STAG1: variants seen among roughly 807,000 people sequenced by gnomAD.
STAG1 encodes the protein cohesin subunit SA-1.
Under a neutral mutation model 170.9 loss-of-function variants are expected in STAG1, and 26 were observed. That is an observed-to-expected ratio of 0.15 (90% CI 0.11 to 0.21). STAG1 has a LOEUF of 0.21. STAG1 is among the 10% of genes least tolerant of loss of function. The pLI, the probability that STAG1 is intolerant of heterozygous loss-of-function variation, is 1.00. For synonymous variants in STAG1, 514 were observed against 497.7 expected, an observed-to-expected ratio of 1.03 and a Z score of -0.44; for missense variants, 964 against 1,509.5, an observed-to-expected ratio of 0.64 and a Z score of 5.99.
chr3:136,365,349 T>C (rs1170040421), intron 25 of STAG1, among the ~76,000 whole-genome samples: 3 of 152,218 alleles, frequency 2.0e-5, no homozygotes, highest in Non-Finnish European at 4.4e-5. Flanking sequence ...ATTAGTTTCC[T>C]AGGCCAGATG....
At chr3:136,468,406 G>C (rs1233801090) in intron 12 of STAG1, among the ~76,000 whole-genome samples, 1 of 152,248 alleles carries the variant, frequency 6.6e-6, no homozygotes, top group South Asian at 2.1e-4. Context: ...AGAAAATCTG[G>C]AAGAAATGGA....
At chr3:136,640,255 C>T (rs892293854) in intron 1 of STAG1, among the ~76,000 whole-genome samples, 4 of 152,120 alleles carry the variant, frequency 2.6e-5, no homozygotes, top group South Asian at 2.1e-4. Flanking sequence ...CAAAAAATTC[C>T]GAACAAATAT....
intron 3 of STAG1, among the ~76,000 whole-genome samples, chr3:136,616,548 CT>C (rs1347581770): frequency 6.6e-6 from 1 of 152,042 alleles, no homozygotes; most frequent in Admixed American, 6.5e-5. Flanking sequence ...CACATTTAAG[CT>C]CCAAAAAAAT....
chr3:136,472,652 G>A (rs1055386607), intron 11 of STAG1, among the ~76,000 whole-genome samples, 160 bp from the exon 12 acceptor site: 1 of 152,166 alleles, frequency 6.6e-6, no homozygotes, highest in Non-Finnish European at 1.5e-5. Context: ...CTCACACAAA[G>A]GGGATGTTAG....
chr3:136,541,206 C>A (rs1000716131), intron 6 of STAG1, among the ~76,000 whole-genome samples: 1 of 151,784 alleles, frequency 6.6e-6, no homozygotes, highest in Non-Finnish European at 1.5e-5. Flanking sequence ...AAAGAGCAGA[C>A]CTAGAAAACA....
intron 4 of STAG1, among the ~76,000 whole-genome samples, chr3:136,603,700 C>T (rs779562404): frequency 1.2e-4 from 19 of 152,018 alleles, no homozygotes; most frequent in Admixed American, 2.6e-4. Context: ...CTGGGTAACA[C>T]GGTGAAACCC....
chr3:136,722,061 A>T (rs1422592377), intron 1 of STAG1, among the ~76,000 whole-genome samples: 2 of 152,098 alleles, frequency 1.3e-5, no homozygotes, highest in Admixed American at 6.6e-5. Flanking sequence ...ATCTCTAATA[A>T]AAATACAAAA....
intron 1 of STAG1, among the ~76,000 whole-genome samples, chr3:136,648,086 G>T (rs1368677668): frequency 1.3e-5 from 2 of 152,208 alleles, no homozygotes; most frequent in African/African-American, 4.8e-5. Context: ...GCCATGAGTT[G>T]ATAACTATTG....
chr3:136,341,227 C>T (rs1485760473), intron 31 of STAG1, among the ~76,000 whole-genome samples: 1 of 152,200 alleles, frequency 6.6e-6, no homozygotes, highest in South Asian at 2.1e-4. Context: ...TGTTTTAGAG[C>T]TTGTCCAAGG....
At chr3:136,551,214 A>AGT (rs1936375366) in intron 5 of STAG1, among the ~76,000 whole-genome samples, 1 of 40,786 alleles carries the variant, frequency 2.5e-5, no homozygotes, top group Admixed American at 2.4e-4. Flanking sequence ...AGAGTGAGAG[A>AGT]GAGAGAGAGA....
chr3:136,373,897 C>T (rs1366944281), intron 23 of STAG1, among the ~76,000 whole-genome samples: 1 of 152,016 alleles, frequency 6.6e-6, no homozygotes, highest in East Asian at 1.9e-4. Flanking sequence ...CCTGGATATC[C>T]TTTTTAACTT....
intron 9 of STAG1, among the ~76,000 whole-genome samples, chr3:136,497,587 C>A (rs752745662): frequency 2.0e-5 from 3 of 151,964 alleles, no homozygotes; most frequent in Non-Finnish European, 4.4e-5. Context: ...ATGCCTGTAA[C>A]CCCAGCACTT....
chr3:136,637,748 T>C (rs910489762), intron 1 of STAG1, among the ~76,000 whole-genome samples: 1 of 152,154 alleles, frequency 6.6e-6, no homozygotes, highest in East Asian at 1.9e-4. Context: ...GAAGAGTACC[T>C]GGAACTCCAG....
chr3:136,454,569 G>A (rs1233877508), intron 13 of STAG1, among the ~76,000 whole-genome samples: 1 of 129,476 alleles, frequency 7.7e-6, no homozygotes, highest in Non-Finnish European at 1.7e-5. Context: ...TAGTAGAGAT[G>A]GGGTTTCACC....
intron 7 of STAG1, among the ~76,000 whole-genome samples, chr3:136,519,777 G>C (rs745882309): frequency 6.6e-6 from 1 of 151,694 alleles, no homozygotes; most frequent in East Asian, 1.9e-4. Context: ...AGATAAACAG[G>C]GTAAAAAATC....
At chr3:136,478,274 G>C (rs113053311) in intron 9 of STAG1, among the ~76,000 whole-genome samples, 177 of 152,244 alleles carry the variant, frequency 1.2e-3, no homozygotes, top group African/African-American at 2.5e-3. Flanking sequence ...AGAACAACCC[G>C]AAAAGTCAGA....
intron 13 of STAG1, among the ~76,000 whole-genome samples, chr3:136,463,776 C>T (rs1383387429): frequency 7.2e-5 from 8 of 110,992 alleles, no homozygotes; most frequent in South Asian, 3.0e-4. Context: ...TGTATACACA[C>T]ACACACACAC....
chr3:136,519,229 G>C (rs1934538899), intron 7 of STAG1, among the ~76,000 whole-genome samples: 1 of 152,044 alleles, frequency 6.6e-6, no homozygotes, highest in Non-Finnish European at 1.5e-5. Flanking sequence ...TATGTTCTTA[G>C]AGTAAATGGC....
chr3:136,498,010 G>A (rs1414521715), intron 9 of STAG1, among the ~76,000 whole-genome samples: 1 of 148,032 alleles, frequency 6.8e-6, no homozygotes, highest in African/African-American at 2.5e-5. Flanking sequence ...CTGACCAACA[G>A]GGAGAAACTC....
Sources: allele counts gnomAD v4.1 joint callset (sites outside exome capture counted in the v4.1 genomes callset), GRCh38; gene constraint gnomAD v4.1.1; transcripts MANE v1.5; gene names NCBI Gene and HGNC (gene_info 2026-07-23, HGNC 2026-07-21).